Variants in IL23R observed in about 807,000 individuals in gnomAD.
The protein encoded by IL23R is interleukin-23 receptor.
In IL23R, 34 loss-of-function variants were observed where a neutral mutation model predicts 56.9. That is an observed-to-expected ratio of 0.60 (90% CI 0.45 to 0.80). The LOEUF (loss-of-function observed/expected upper bound fraction) is 0.80, where lower values mean the gene tolerates loss of function less well. Ranked by LOEUF, IL23R falls within the 30% of genes least tolerant of loss-of-function variation. The pLI is 0.00. For synonymous variants in IL23R, 230 were observed against 249.2 expected (o/e 0.92, Z 0.73); for missense variants, 635 against 730.0 (o/e 0.87, Z 1.50).
At chr1:67,173,281 ATG>A (rs1296128897) in intron 3 of IL23R, among the ~76,000 whole-genome samples, 2 of 152,158 alleles carry the variant, frequency 1.3e-5, no homozygotes, top group Non-Finnish European at 2.9e-5. Flanking sequence ...ACTTATTTGC[ATG>A]TGTGTGTATA....
intron 7 of IL23R, among the ~76,000 whole-genome samples, chr1:67,234,553 TAAAAGCCAACAACACC>T (rs1651331715): frequency 6.6e-6 from 1 of 152,184 alleles, no homozygotes; most frequent in South Asian, 2.1e-4. Flanking sequence ...TAACCTGTAT[TAAAAGCCAACAACACC>T]ATATATTACT....
chr1:67,180,434 AT>A, intron 3 of IL23R, among the ~76,000 whole-genome samples: 1 of 151,792 alleles, frequency 6.6e-6, no homozygotes, highest in East Asian at 1.9e-4. Context: ...AGAGACTAGG[AT>A]TGCAACCCCT....
rs537164252 is a variant in IL23R, at chr1:67,167,985, A to T, written c.-29-107A>T. On this transcript the variant is annotated intron_variant, in intron 1 of 10. Transcript: ENST00000347310. ...CTTCCTTCTTTCCTTCTTCCTCCCT[A>T]ATCAAAGGTTCCCATCAAATACAAT... 1.5e-4 allele frequency: 103 copies of T among 673,614 alleles called. No homozygotes were observed. In the African/African-American group the frequency reaches 1.7e-3, roughly 11 times the overall value. The allele number at this position is 673,614 out of a possible 1,614,324, so 41.7% of individuals were successfully genotyped here.
intron 9 of IL23R, among the ~76,000 whole-genome samples, chr1:67,249,089 A>C (rs1389611660): frequency 2.0e-5 from 3 of 152,212 alleles, no homozygotes; most frequent in Non-Finnish European, 4.4e-5. Context: ...GGAGCTGCAG[A>C]CCAGACCTGT....
At chr1:67,231,187 T>G (rs1052038346) in intron 7 of IL23R, among the ~76,000 whole-genome samples, 1 of 152,224 alleles carries the variant, frequency 6.6e-6, no homozygotes, top group African/African-American at 2.4e-5. Context: ...ACATCAAGAT[T>G]GGCAAGCGCA....
intron 3 of IL23R, among the ~76,000 whole-genome samples, chr1:67,179,474 C>T (rs1647058757): frequency 6.6e-6 from 1 of 152,036 alleles, no homozygotes; most frequent in African/African-American, 2.4e-5. Flanking sequence ...TCCCCTGTAT[C>T]ATTTTTTATT....
At chr1:67,244,536 G>A (rs1317920236) in intron 9 of IL23R, among the ~76,000 whole-genome samples, 4 of 152,024 alleles carry the variant, frequency 2.6e-5, no homozygotes, top group African/African-American at 9.7e-5. Context: ...CATATGGCTA[G>A]CCAGTTTCCC....
At chr1:67,152,148 T>A (rs914931934) in intron 1 of IL23R, among the ~76,000 whole-genome samples, 3 of 152,204 alleles carry the variant, frequency 2.0e-5, no homozygotes, top group Non-Finnish European at 2.9e-5. Flanking sequence ...TGAGCAGTGG[T>A]TTGCAGTTCT....
At chr1:67,188,773 G>T (rs1190271951) in intron 4 of IL23R, among the ~76,000 whole-genome samples, 1 of 152,072 alleles carries the variant, frequency 6.6e-6, no homozygotes, top group Non-Finnish European at 1.5e-5. Context: ...AGTAGAAGGG[G>T]CCAGGCAGCT....
At chr1:67,234,713 T>TTC (rs1651349036) in intron 7 of IL23R, among the ~76,000 whole-genome samples, 1 of 145,836 alleles carries the variant, frequency 6.9e-6, no homozygotes, top group African/African-American at 2.5e-5. Context: ...TACTCTTTTT[T>TTC]TTTTTTTTTT....
intron 7 of IL23R, among the ~76,000 whole-genome samples, chr1:67,226,655 A>C (rs1297072283): frequency 6.6e-6 from 1 of 152,186 alleles, no homozygotes; most frequent in African/African-American, 2.4e-5. Context: ...TTGAGCACGA[A>C]AACAAGAATG....
chr1:67,214,037 G>A (rs1051616577), intron 6 of IL23R, among the ~76,000 whole-genome samples: 1 of 152,148 alleles, frequency 6.6e-6, no homozygotes, highest in Non-Finnish European at 1.5e-5. Context: ...AGCTGGGAGG[G>A]GTGATACAAG....
Position 67,210,404 on chromosome 1 carries a change from A to G in IL23R, c.798+3349A>G, listed in dbSNP as rs553063169. The stretch of plus-strand genomic sequence containing the variant: ...TTATTTTTAAGCGTAACAAACTGCC[A>G]TTTAGTCCAAATAATTAAGAAATAG... On this transcript the variant is annotated intron_variant, in intron 6 of 10. Coordinates refer to ENST00000347310, the MANE Select transcript of IL23R (RefSeq NM_144701.3). 1.1e-4 allele frequency among the ~76,000 whole-genome samples: 16 copies of G among 152,268 alleles called. No homozygotes were observed. The South Asian group carries it at 1.2e-3, about 12-fold the overall frequency.
chr1:67,170,283 C>T (rs1218197276), intron 3 of IL23R, among the ~76,000 whole-genome samples: 1 of 152,176 alleles, frequency 6.6e-6, no homozygotes, highest in East Asian at 1.9e-4. Flanking sequence ...GTTTAAAGTA[C>T]ATCAGTACCC....
At chr1:67,211,486 G>T (rs1649465737) in intron 6 of IL23R, among the ~76,000 whole-genome samples, 1 of 152,082 alleles carries the variant, frequency 6.6e-6, no homozygotes, top group African/African-American at 2.4e-5. Context: ...AGCCAAGCCT[G>T]GTGGTGTGTG....
At chr1:67,263,418 G>T (rs1372951000), downstream of IL23R, among the ~76,000 whole-genome samples, 1 of 152,046 alleles carries the variant, frequency 6.6e-6, no homozygotes, top group African/African-American at 2.4e-5. Flanking sequence ...GTTATAAATA[G>T]TATTGAAGAG....
chr1:67,189,993 C>T (rs1647626259), intron 4 of IL23R, among the ~76,000 whole-genome samples: 1 of 152,096 alleles, frequency 6.6e-6, no homozygotes, highest in Admixed American at 6.6e-5. Flanking sequence ...AAATCTTTCC[C>T]TCAAGGAGAA....
intron 4 of IL23R, among the ~76,000 whole-genome samples, chr1:67,186,576 G>A (rs1409523614): frequency 6.6e-6 from 1 of 152,068 alleles, no homozygotes; most frequent in African/African-American, 2.4e-5. Flanking sequence ...TCATGTAAAA[G>A]GAATCATATA....
intron 1 of IL23R, among the ~76,000 whole-genome samples, chr1:67,146,897 G>A (rs1334681705): frequency 1.3e-5 from 2 of 152,036 alleles, no homozygotes; most frequent in South Asian, 4.1e-4. Flanking sequence ...AGTAGTTGTG[G>A]TTGGACTGCT....
Sources: allele counts gnomAD v4.1 joint callset (sites outside exome capture counted in the v4.1 genomes callset), GRCh38; gene constraint gnomAD v4.1.1; transcripts MANE v1.5; gene names NCBI Gene and HGNC (gene_info 2026-07-23, HGNC 2026-07-21).